Variants in HIVEP1 observed in about 807,000 individuals in gnomAD.
HIVEP1 encodes HIVEP zinc finger 1.
Under a neutral mutation model 180.0 loss-of-function variants are expected in HIVEP1, and 36 were observed. The observed-to-expected ratio is 0.20, with a 90% CI of 0.15 to 0.26. The LOEUF (loss-of-function observed/expected upper bound fraction) is 0.26, where lower values mean the gene tolerates loss of function less well. Ranked by LOEUF, HIVEP1 falls within the 10% of genes least tolerant of loss-of-function variation. HIVEP1 has a pLI of 1.00. For synonymous variants in HIVEP1, 1,239 were observed against 1,239.0 expected (o/e 1.00, Z 0.00); for missense variants, 3,143 against 3,268.7 (o/e 0.96, Z 0.94).
chr6:12,054,837 G>A (rs1265300270), intron 2 of HIVEP1, among the ~76,000 whole-genome samples: 3 of 152,184 alleles, frequency 2.0e-5, no homozygotes, highest in African/African-American at 7.2e-5. Context: ...ATTCAGGGTT[G>A]TGATATTCAT....
intron 3 of HIVEP1, 80 bp downstream of exon 3, chr6:12,089,317 A>G (rs951490623): frequency 2.5e-6 from 2 of 807,142 alleles, no homozygotes; most frequent in African/African-American, 3.5e-5. Flanking sequence ...TAGCCTTATG[A>G]AATAAATCAG....
At chr6:12,188,368 AT>A in the HIVEP1 span, among the ~76,000 whole-genome samples, 1 of 152,228 alleles carries the variant, frequency 6.6e-6, no homozygotes, top group Non-Finnish European at 1.5e-5. Flanking sequence ...CAAATCATGA[AT>A]AGATCGATAC....
At chr6:12,045,158 T>C (rs1287749703) in intron 2 of HIVEP1, among the ~76,000 whole-genome samples, 1 of 152,230 alleles carries the variant, frequency 6.6e-6, no homozygotes, top group East Asian at 1.9e-4. Context: ...CGCCATCTAC[T>C]GGGCATTTTT....
chr6:12,153,359 G>A (rs1581793906), intron 7 of HIVEP1, among the ~76,000 whole-genome samples: 1 of 152,158 alleles, frequency 6.6e-6, no homozygotes, highest in East Asian at 1.9e-4. Context: ...TTTATGAGCT[G>A]TGGGCTCAAC....
chr6:12,010,226 C>CATTAGT (rs1304633865), upstream of HIVEP1, among the ~76,000 whole-genome samples: 1 of 152,192 alleles, frequency 6.6e-6, no homozygotes, highest in Non-Finnish European at 1.5e-5. Flanking sequence ...GTAGGGTTAG[C>CATTAGT]ATTAGTATGC....
In HIVEP1 at chr6:12,120,759, C is replaced by A. The variant is rs1389037315; in HGVS notation, c.964C>A (p.Leu322Ile). The A allele has an allele frequency of 5.6e-6, 9 of 1,614,248 alleles. No homozygotes were observed. The highest frequency in any genetic ancestry group is 7.6e-6 in the Non-Finnish European group (9 of 1,180,048). Residue 322 changes from leucine to isoleucine, a missense_variant, in exon 4 of 9, where the codon CTT (leucine) becomes ATT (isoleucine). By Grantham distance (5) the Leu-to-Ile change is conservative. Transcript: ENST00000379388. ...TCTGCAAAATCAAGAGAATGCCAAA[C>A]TTGAACAGGTTTATAATATAGCAGT... ...TNLQNQENAKLEQVYNIAVTS... is the reference protein window; with the variant it reads ...TNLQNQENAKIEQVYNIAVTS...
At chr6:12,132,655 G>A (rs1340284573) in intron 6 of HIVEP1, among the ~76,000 whole-genome samples, 1 of 152,124 alleles carries the variant, frequency 6.6e-6, no homozygotes, top group Admixed American at 6.5e-5. Flanking sequence ...AGCATTGCCT[G>A]TTAGCACTTT....
chr6:12,193,276 G>A, the HIVEP1 span, among the ~76,000 whole-genome samples: 1 of 152,096 alleles, frequency 6.6e-6, no homozygotes, highest in Non-Finnish European at 1.5e-5. Flanking sequence ...GGACAGTGAG[G>A]TTGTTTTCAC....
chr6:12,156,161 T>G (rs1275969752), intron 7 of HIVEP1, among the ~76,000 whole-genome samples: 1 of 152,014 alleles, frequency 6.6e-6, no homozygotes, highest in Non-Finnish European at 1.5e-5. Context: ...CTTTGTCAGA[T>G]GGATAGATTG....
At chr6:12,058,227 A>G (rs963316103) in intron 2 of HIVEP1, among the ~76,000 whole-genome samples, 2 of 147,522 alleles carry the variant, frequency 1.4e-5, no homozygotes, top group South Asian at 2.1e-4. Flanking sequence ...AGTGATTTGG[A>G]AAAAAAAAAA....
At chr6:12,046,311 T>C (rs1385526329) in intron 2 of HIVEP1, among the ~76,000 whole-genome samples, 1 of 152,242 alleles carries the variant, frequency 6.6e-6, no homozygotes, top group Non-Finnish European at 1.5e-5. Flanking sequence ...GAGTTCTTAC[T>C]GCATTTCTGG....
chr6:12,121,317 C>T lies in HIVEP1; in HGVS notation c.1522C>T (p.Leu508=). The change falls in exon 4 of 9, where the codon CTG becomes TTG. Residue 508 remains leucine, a synonymous_variant. Transcript: ENST00000379388. This position sits in a 1 kb window ranked among gnomAD's most constrained non-coding sequence, Gnocchi z 5.3. ...CGCCACTGATGAGAGACAGCATGAC[C>T]TGGGCGCCATGGAGCTGCAGCCTGT... is the stretch of plus-strand genomic sequence containing the variant. ...EGATDERQHD[L]GAMELQPVHI... is the part of the protein sequence containing the mutation. 1 of 1,614,118 alleles carries T rather than the reference C, an allele frequency of 6.2e-7. No individual in the cohort carries two copies. The highest frequency in any genetic ancestry group is 8.5e-7 in the Non-Finnish European group (1 of 1,180,032).
intron 2 of HIVEP1, among the ~76,000 whole-genome samples, chr6:12,017,264 A>C (rs570628068): frequency 1.6e-3 from 243 of 152,320 alleles, no homozygotes; most frequent in African/African-American, 5.6e-3. Context: ...ACTGACTTCA[A>C]GAATGAAGCC....
At chr6:12,096,353 T>A (rs1773781458) in intron 3 of HIVEP1, among the ~76,000 whole-genome samples, 1 of 151,968 alleles carries the variant, frequency 6.6e-6, no homozygotes, top group Admixed American at 6.5e-5. Flanking sequence ...AACATAGGCA[T>A]GATTTATGCC....
At chr6:12,108,667 C>T (rs1306798487) in intron 3 of HIVEP1, among the ~76,000 whole-genome samples, 3 of 152,178 alleles carry the variant, frequency 2.0e-5, no homozygotes, top group African/African-American at 4.8e-5. Context: ...CCAGCAGGGC[C>T]GGCCGGCTGC....
the HIVEP1 span, among the ~76,000 whole-genome samples, chr6:12,181,237 GT>G: frequency 2.0e-5 from 3 of 151,956 alleles, no homozygotes; most frequent in Non-Finnish European, 4.4e-5. Flanking sequence ...GCAGGTGCCT[GT>G]AGTCCCAGCT....
the HIVEP1 span, among the ~76,000 whole-genome samples, chr6:12,201,592 C>T: frequency 6.6e-6 from 1 of 152,340 alleles, no homozygotes; most frequent in East Asian, 1.9e-4. Flanking sequence ...TCCATACTTA[C>T]AATTTCGGCT....
chr6:12,148,705 G>A (rs879357171), intron 7 of HIVEP1, among the ~76,000 whole-genome samples: 1 of 152,158 alleles, frequency 6.6e-6, no homozygotes, highest in Non-Finnish European at 1.5e-5. Flanking sequence ...CTCTGGTTTT[G>A]CCAGCAGTAA....
At chr6:12,035,381 CAT>C (rs1343206531) in intron 2 of HIVEP1, among the ~76,000 whole-genome samples, 1 of 152,176 alleles carries the variant, frequency 6.6e-6, no homozygotes, top group Non-Finnish European at 1.5e-5. Context: ...AAACTGCAAG[CAT>C]GCTTTTTCTT....
Sources: gnomAD v4.1 joint callset for allele counts (sites outside exome capture counted in the v4.1 genomes callset) on GRCh38, gnomAD v4.1.1 for gene constraint, Gnocchi (gnomAD v3.1) non-coding constraint, MANE v1.5 for transcripts, NCBI Gene and HGNC (gene_info 2026-07-23, HGNC 2026-07-21) for gene names.